Variants in OPCML observed in about 807,000 individuals in gnomAD.
OPCML encodes the protein opioid binding protein/cell adhesion molecule like.
A neutral mutation model predicts 37.8 loss-of-function variants in OPCML; 13 were observed. That is an observed-to-expected ratio of 0.34 (90% CI 0.22 to 0.55). The LOEUF (loss-of-function observed/expected upper bound fraction) is 0.55. Among genes scored for constraint, OPCML ranks in the 20% least tolerant of loss-of-function variants. OPCML has a pLI of 0.91. For synonymous variants in OPCML, 176 were observed against 168.8 expected, an observed-to-expected ratio of 1.04 and a Z score of -0.33; for missense variants, 341 against 435.6, an observed-to-expected ratio of 0.78 and a Z score of 1.93.
At chr11:133,189,307 G>T (rs950534126) in intron 1 of OPCML, among the ~76,000 whole-genome samples, 1 of 151,908 alleles carries the variant, frequency 6.6e-6, no homozygotes, top group Admixed American at 6.6e-5. Flanking sequence ...GACCTTAAAG[G>T]CTATCTGTCC....
chr11:133,202,037 T>C (rs951886751), intron 1 of OPCML, among the ~76,000 whole-genome samples: 1 of 74,340 alleles, frequency 1.3e-5, no homozygotes, highest in Non-Finnish European at 2.5e-5. Context: ...AGGCAGACAA[T>C]GAACACACAT....
chr11:133,061,917 A>G (rs963216340), intron 1 of OPCML, among the ~76,000 whole-genome samples: 30 of 152,106 alleles, frequency 2.0e-4, no homozygotes, highest in African/African-American at 7.2e-4. Context: ...GTGGGGGCTG[A>G]AAAGTTTGAG....
chr11:133,096,558 G>A (rs1949006764), intron 1 of OPCML, among the ~76,000 whole-genome samples: 1 of 151,884 alleles, frequency 6.6e-6, no homozygotes, highest in South Asian at 2.1e-4. Context: ...TAACATCAAT[G>A]GTCTGAAAAC....
chr11:132,907,184 T>C (rs577202835), intron 2 of OPCML, among the ~76,000 whole-genome samples: 1 of 152,308 alleles, frequency 6.6e-6, no homozygotes, highest in South Asian at 2.1e-4. Flanking sequence ...GCAGCTCCTT[T>C]TGCAATATGA....
At chr11:132,780,736 G>A (rs534072493) in intron 2 of OPCML, among the ~76,000 whole-genome samples, 2 of 152,116 alleles carry the variant, frequency 1.3e-5, no homozygotes, top group Non-Finnish European at 2.9e-5. Context: ...TTTGCTTCTT[G>A]CCACACATTG....
At chr11:132,466,856 T>C (rs1276834244) in intron 4 of OPCML, among the ~76,000 whole-genome samples, 1 of 152,158 alleles carries the variant, frequency 6.6e-6, no homozygotes, top group East Asian at 1.9e-4. Flanking sequence ...AGGCAGGTAA[T>C]TTTAATTATG....
chr11:132,924,750 T>G (rs1944931340), intron 2 of OPCML, among the ~76,000 whole-genome samples: 2 of 152,236 alleles, frequency 1.3e-5, no homozygotes. Flanking sequence ...TGTGTTCGTT[T>G]GTTTGCCATT....
chr11:132,573,917 G>T (rs559206921), intron 3 of OPCML, among the ~76,000 whole-genome samples: 8 of 151,896 alleles, frequency 5.3e-5, no homozygotes, highest in Non-Finnish European at 1.2e-4. Context: ...CTAGTTATGG[G>T]TCTGTTTAGG....
At chr11:132,979,555 C>T (rs1946539764) in intron 1 of OPCML, among the ~76,000 whole-genome samples, 1 of 152,362 alleles carries the variant, frequency 6.6e-6, no homozygotes, top group South Asian at 2.1e-4. Flanking sequence ...CTCCACAACC[C>T]TCCCACGGTC....
At chr11:133,185,713 C>G (rs77565733) in intron 1 of OPCML, among the ~76,000 whole-genome samples, 2 of 152,088 alleles carry the variant, frequency 1.3e-5, no homozygotes, top group African/African-American at 2.4e-5. Context: ...AAAAAACAAC[C>G]GCTCATCGTT....
Position 133,117,986 on chromosome 11 carries a change from A to T in OPCML, c.62-174976T>A, listed in dbSNP as rs770707739. The T allele has an allele frequency of 3.6e-4, 340 of 956,278 alleles. 1 individual carries two copies. Among genetic ancestry groups the T allele is most frequent in the Non-Finnish European group, 4.0e-4 (325 of 803,500 alleles). The allele number at this position is 956,278 out of a possible 1,614,324, so 59.2% of individuals were successfully genotyped here. On this transcript the variant is annotated intron_variant, in intron 1 of 7. Coordinates refer to ENST00000524381, the MANE Select transcript of OPCML (RefSeq NM_001012393.5). ...CCTTGGGGAACTGCAAGTGGAGGAG[A>T]CATCAAATAGCAGCTTTTGTTTTCA...
At chr11:133,466,142 G>A (rs565008373) in intron 1 of OPCML, among the ~76,000 whole-genome samples, 12 of 152,192 alleles carry the variant, frequency 7.9e-5, no homozygotes, top group South Asian at 4.2e-4. Flanking sequence ...CAACAATGGC[G>A]CCTCTATAGA....
In OPCML at chr11:133,088,573, AG is replaced by A. The variant is rs988370821; in HGVS notation, c.62-145564del. On this transcript the variant is annotated intron_variant, in intron 1 of 7. Coordinates refer to ENST00000524381, the MANE Select transcript of OPCML (RefSeq NM_001012393.5). The stretch of plus-strand genomic sequence containing the variant: ...CCAATGAATTGGGTTACAATACCAA[AG>A]GGGATTGCAATAAAAATCACTTGAT... Among the ~76,000 whole-genome samples the A allele has an allele frequency of 2.9e-4, 44 of 152,382 alleles. 1 individual carries two copies. The highest frequency in any genetic ancestry group is 3.4e-3 in the Middle Eastern group (1 of 294).
At chr11:132,444,488 A>T (rs550459170) in intron 4 of OPCML, among the ~76,000 whole-genome samples, 97 of 152,278 alleles carry the variant, frequency 6.4e-4, no homozygotes, top group Non-Finnish European at 1.0e-3. Context: ...TGAGTCTTGT[A>T]CTGTTTACCC....
Position 132,441,165 on chromosome 11 carries a change from G to GTTTTTTTTTTTTTTT in OPCML, c.506-3821_506-3807dup, listed in dbSNP as rs68143578. Among the ~76,000 whole-genome samples the GTTTTTTTTTTTTTTT allele has an allele frequency of 7.7e-3, 557 of 72,376 alleles. 66 individuals are homozygous for GTTTTTTTTTTTTTTT. The highest frequency in any genetic ancestry group is 0.011 in the Non-Finnish European group (471 of 44,004). The allele number at this position is 72,376 out of a possible 152,430, so 47.5% of individuals were successfully genotyped here. ...AGATGTGTTCACCAAGGACTTTTTT[G>GTTTTTTTTTTTTTTT]TTTTTTTTTTTTTTTTTTTTGAGAC... On this transcript the variant is annotated intron_variant, in intron 4 of 7. Transcript: ENST00000524381.
chr11:132,448,249 T>C (rs1249369612), intron 4 of OPCML, among the ~76,000 whole-genome samples: 2 of 152,238 alleles, frequency 1.3e-5, no homozygotes, highest in African/African-American at 4.8e-5. Flanking sequence ...TCTTTTATCC[T>C]TTCCCTATAT....
chr11:133,500,866 A>G (rs1313098618), intron 1 of OPCML, among the ~76,000 whole-genome samples: 1 of 152,162 alleles, frequency 6.6e-6, no homozygotes, highest in Non-Finnish European at 1.5e-5. Context: ...AGAAGGCAGG[A>G]AAGTAGAGAG....
At chr11:133,064,674 G>A (rs1194182467) in intron 1 of OPCML, 1 of 152,264 alleles carries the variant, frequency 6.6e-6, no homozygotes, top group East Asian at 1.9e-4. Context: ...CGGAGGGGAA[G>A]TGTCAGGAAG....
At chr11:132,921,887 CT>C (rs113032021) in intron 2 of OPCML, among the ~76,000 whole-genome samples, 11 of 148,946 alleles carry the variant, frequency 7.4e-5, no homozygotes, top group South Asian at 2.2e-4. Context: ...TAAATTTTAC[CT>C]TTTTTTTTTG....
Sources: allele counts gnomAD v4.1 joint callset (sites outside exome capture counted in the v4.1 genomes callset), GRCh38; gene constraint gnomAD v4.1.1; transcripts MANE v1.5; gene names NCBI Gene and HGNC (gene_info 2026-07-23, HGNC 2026-07-21).